Variants in AQP9 observed in about 807,000 individuals in gnomAD.
AQP9 encodes aquaporin 9, also known as aquaporin-9.
Under a neutral mutation model 23.8 loss-of-function variants are expected in AQP9, and 19 were observed. That is an observed-to-expected ratio of 0.80 (90% confidence interval 0.56 to 1.17). AQP9 has a LOEUF of 1.17. Ranked by LOEUF, AQP9 falls within the 50% of genes most tolerant of loss-of-function variation. The pLI is 0.00. For missense variants in AQP9, 413 were observed against 362.0 expected (o/e 1.14, Z -1.14); for synonymous variants, 153 against 131.5 (o/e 1.16, Z -1.12).
intron 5 of AQP9, 54 bp downstream of exon 5, chr15:58,179,399 T>C (rs878914521): frequency 1.3e-6 from 2 of 1,508,376 alleles, no homozygotes; most frequent in South Asian, 2.4e-5. Flanking sequence ...GCCTCACCAG[T>C]GGGGCGGGGC....
chr15:58,154,964 C>G lies in AQP9; in HGVS notation c.112-11709C>G, dbSNP rs114047285. 423 of 152,328 alleles carry G rather than the reference C, an allele frequency of 2.8e-3. 2 individuals are homozygous for G. Among genetic ancestry groups the G allele is most frequent in the African/African-American group, 9.8e-3 (409 of 41,536 alleles). 9.4% of individuals were successfully genotyped at this position (152,328 alleles called of 1,614,324 possible). A position where few individuals can be genotyped will look rare whatever the true frequency, so the allele number is the denominator to read the frequency against. On this transcript the variant is annotated intron_variant, in intron 1 of 5. Coordinates refer to ENST00000219919, the MANE Select transcript of AQP9 (RefSeq NM_020980.5). ...ATTTCAACTATAAGAACACTAATGA[C>G]CAAAATATGCACAACGCACCTGCTA...
chr15:58,138,372 A>G (rs1897893276), upstream of AQP9: 2 of 503,020 alleles, frequency 4.0e-6, no homozygotes, highest in African/African-American at 3.9e-5. Flanking sequence ...CGAACAGGGA[A>G]TGACAGTTCC....
chr15:58,142,549 A>G (rs1595725207), intron 1 of AQP9, among the ~76,000 whole-genome samples: 1 of 152,354 alleles, frequency 6.6e-6, no homozygotes, highest in Admixed American at 6.5e-5. Context: ...ACCTCAGGTA[A>G]CACCAGGGTT....
chr15:58,176,158 A>T (rs1412566376), intron 4 of AQP9, among the ~76,000 whole-genome samples: 1 of 152,236 alleles, frequency 6.6e-6, no homozygotes, highest in East Asian at 1.9e-4. Context: ...CATTGTAAGC[A>T]GTATCTGCCC....
chr15:58,169,766 T>TC (rs1898580889), intron 2 of AQP9, among the ~76,000 whole-genome samples: 1 of 152,156 alleles, frequency 6.6e-6, no homozygotes, highest in African/African-American at 2.4e-5. Flanking sequence ...CAGTCAGAGG[T>TC]CATAATACCC....
chr15:58,141,786 A>C (rs1897956923), intron 1 of AQP9, among the ~76,000 whole-genome samples: 1 of 152,220 alleles, frequency 6.6e-6, no homozygotes, highest in African/African-American at 2.4e-5. Context: ...TAGACACTCT[A>C]GGGCTTTAAA....
chr15:58,172,647 A>G (rs548035816), intron 2 of AQP9, among the ~76,000 whole-genome samples: 1 of 152,266 alleles, frequency 6.6e-6, no homozygotes, highest in South Asian at 2.1e-4. Context: ...TGGCCGGAGG[A>G]ACTGCTAGAT....
intron 3 of AQP9, among the ~76,000 whole-genome samples, chr15:58,174,583 G>T (rs1208843381): frequency 6.6e-6 from 1 of 152,220 alleles, no homozygotes; most frequent in South Asian, 2.1e-4. Flanking sequence ...TATTCCTAGA[G>T]CAAGACCAAG....
rs1899020794 is a variant in AQP9, at chr15:58,185,897, G to T, written c.*1762G>T. The stretch of plus-strand genomic sequence containing the variant: ...GATATTTCCTATTTGAAATAAAATT[G>T]TTCGGTCATTGTTGGTTGCTTGGTT... On this transcript the variant is annotated 3_prime_UTR_variant, in exon 6 of 6. Coordinates refer to ENST00000219919, the MANE Select transcript of AQP9 (RefSeq NM_020980.5). 2 of 152,016 alleles carry T rather than the reference G, an allele frequency of 1.3e-5. No homozygotes were observed. The highest frequency in any genetic ancestry group is 2.9e-5 in the Non-Finnish European group (2 of 68,016). 9.4% of individuals were successfully genotyped at this position (152,016 alleles called of 1,614,324 possible).
intron 1 of AQP9, among the ~76,000 whole-genome samples, chr15:58,158,906 T>C (rs1338214700): frequency 6.6e-6 from 1 of 152,196 alleles, no homozygotes; most frequent in African/African-American, 2.4e-5. Context: ...ATTCCTAAAC[T>C]TCATTAACTA....
chr15:58,179,357 T>C lies in AQP9; in HGVS notation c.713+12T>C, dbSNP rs2271678. The C allele has an allele frequency of 0.16, 254,715 of 1,601,212 alleles. 21,569 individuals carry two copies. Among genetic ancestry groups the C allele is most frequent in the Non-Finnish European group, 0.17 (204,756 of 1,172,986 alleles). Reference sequence around the variant, plus strand: ...TTTGAAGTCTTCAGGTAAGTAACAGTGGTGGGGAAGAGAGAGACAGAGTCA... The same window carrying C: ...TTTGAAGTCTTCAGGTAAGTAACAGCGGTGGGGAAGAGAGAGACAGAGTCA... On this transcript the variant is annotated intron_variant, in intron 5 of 5. Transcript: ENST00000219919.
chr15:58,176,400 C>G (rs1432578505), intron 4 of AQP9, among the ~76,000 whole-genome samples: 1 of 151,908 alleles, frequency 6.6e-6, no homozygotes, highest in African/African-American at 2.4e-5. Context: ...TGCATGTAGT[C>G]CCAGCAACTT....
chr15:58,161,384 A>C (rs1362091073), intron 1 of AQP9, among the ~76,000 whole-genome samples: 4 of 152,114 alleles, frequency 2.6e-5, no homozygotes, highest in Non-Finnish European at 4.4e-5. Context: ...CATGTATGGA[A>C]CCTGATAGTA....
At position 58,179,276 on chromosome 15, in the gene AQP9, T is replaced by C. The variant is rs925690889; in HGVS notation, c.644T>C (p.Met215Thr). 6.8e-6 allele frequency: 11 copies of C among 1,614,042 alleles called. No individual in the cohort carries two copies. Among genetic ancestry groups the C allele is most frequent in the Non-Finnish European group, 9.3e-6 (11 of 1,180,024 alleles). Residue 215 changes from methionine to threonine, a missense_variant, in exon 5 of 6, where the codon ATG (methionine) becomes ACG (threonine). Coordinates refer to ENST00000219919, the MANE Select transcript of AQP9 (RefSeq NM_020980.5). ...SSLGLNSGCA[M>T]NPARDLSPRL... ...CTGGGACTGAACAGTGGCTGTGCCATGAACCCAGCTCGAGACCTGAGTCCC... is the reference window on the plus strand; with the variant it reads ...CTGGGACTGAACAGTGGCTGTGCCACGAACCCAGCTCGAGACCTGAGTCCC...
chr15:58,158,860 C>A (rs1353392585), intron 1 of AQP9, among the ~76,000 whole-genome samples: 1 of 152,142 alleles, frequency 6.6e-6, no homozygotes, highest in Non-Finnish European at 1.5e-5. Context: ...GTCCCTGGCC[C>A]CAGGTTGCCT....
intron 1 of AQP9, among the ~76,000 whole-genome samples, chr15:58,163,700 G>A (rs995048864): frequency 5.3e-5 from 8 of 152,106 alleles, no homozygotes; most frequent in East Asian, 1.9e-4. Context: ...AGAAGGGAAA[G>A]GTACGGCAGT....
chr15:58,164,697 G>A (rs1406625405), intron 1 of AQP9, among the ~76,000 whole-genome samples: 2 of 152,066 alleles, frequency 1.3e-5, no homozygotes, highest in East Asian at 3.9e-4. Context: ...GCTAAGACAA[G>A]TGGATGTATC....
In AQP9 at chr15:58,179,509, A is replaced by ATGTGTGTGTGTGTGTG. The variant is rs3052103; in HGVS notation, c.713+177_713+192dup. Among the ~76,000 whole-genome samples, 309 of 148,840 alleles carry ATGTGTGTGTGTGTGTG rather than the reference A, an allele frequency of 2.1e-3. 2 individuals are homozygous for ATGTGTGTGTGTGTGTG. Among genetic ancestry groups the ATGTGTGTGTGTGTGTG allele is most frequent in the African/African-American group, 7.0e-3 (281 of 40,340 alleles). On this transcript the variant is annotated intron_variant, in intron 5 of 5. Transcript: ENST00000219919. ...CATTTCACTGGTATTTTGTGGTATGATGTGTGTGTGTGTGTGTGTGTGTGT... is the reference window on the plus strand; with the variant it reads ...CATTTCACTGGTATTTTGTGGTATGATGTGTGTGTGTGTGTGTGTGTGTGTGTGTGTGTGTGTGTGT...
chr15:58,183,888 T>A, intron 5 of AQP9, 73 bp from the exon 6 acceptor site: 1 of 1,477,764 alleles, frequency 6.8e-7, no homozygotes, highest in Non-Finnish European at 9.2e-7. Context: ...GACTAACAAG[T>A]GAGTGAAAAA....
Sources: gnomAD v4.1 joint callset for allele counts (sites outside exome capture counted in the v4.1 genomes callset) on GRCh38, gnomAD v4.1.1 for gene constraint, MANE v1.5 for transcripts, NCBI Gene and HGNC (gene_info 2026-07-23, HGNC 2026-07-21) for gene names.